EPC2: variants seen among roughly 807,000 people sequenced by gnomAD.
EPC2 encodes enhancer of polycomb 2.
In EPC2, 14 loss-of-function variants were observed where a neutral mutation model predicts 92.1. The ratio of observed to expected loss-of-function variants is 0.15; its 90% confidence interval spans 0.10 to 0.24. The LOEUF (loss-of-function observed/expected upper bound fraction) is 0.24. Among genes scored for constraint, EPC2 ranks in the 10% least tolerant of loss-of-function variants. EPC2 has a pLI of 1.00. For missense variants in EPC2, 755 were observed against 971.5 expected, an observed-to-expected ratio of 0.78 and a Z score of 2.96; for synonymous variants, 340 against 334.7, an observed-to-expected ratio of 1.02 and a Z score of -0.17.
chr2:148,739,833 CTTTTTTTTTTTTTT>C (rs144868417), intron 2 of EPC2, among the ~76,000 whole-genome samples: 3 of 81,296 alleles, frequency 3.7e-5, no homozygotes, highest in Non-Finnish European at 6.5e-5. Context: ...TCTTCTTCTT[CTTTTTTTTTTTTTT>C]TTTTTTTTTT....
At chr2:148,698,051 A>T (rs1302413291) in intron 2 of EPC2, among the ~76,000 whole-genome samples, 4 of 152,200 alleles carry the variant, frequency 2.6e-5, no homozygotes, top group Non-Finnish European at 5.9e-5. Flanking sequence ...AACAAAAAAA[A>T]AAAGGTTACT....
intron 3 of EPC2, among the ~76,000 whole-genome samples, chr2:148,751,744 A>G (rs1055765779): frequency 6.6e-6 from 1 of 152,162 alleles, no homozygotes; most frequent in African/African-American, 2.4e-5. Context: ...TTTATCTACA[A>G]GTAGTTCTTC....
At chr2:148,674,304 A>T (rs1368879473) in intron 1 of EPC2, among the ~76,000 whole-genome samples, 1 of 152,150 alleles carries the variant, frequency 6.6e-6, no homozygotes, top group Non-Finnish European at 1.5e-5. Context: ...CAAGCCACTG[A>T]GTTCTTTTGT....
At chr2:148,676,600 G>A (rs985602152) in intron 1 of EPC2, among the ~76,000 whole-genome samples, 14 of 151,378 alleles carry the variant, frequency 9.2e-5, no homozygotes, top group Non-Finnish European at 1.6e-4. Context: ...ACATATATAT[G>A]TATTTATATT....
intron 2 of EPC2, among the ~76,000 whole-genome samples, chr2:148,731,268 A>G (rs536384155): frequency 6.6e-6 from 1 of 152,344 alleles, no homozygotes; most frequent in Non-Finnish European, 1.5e-5. Context: ...TTTTAAGGGA[A>G]TGACACTTTT....
intron 2 of EPC2, among the ~76,000 whole-genome samples, chr2:148,723,835 A>T (rs1306763947): frequency 6.6e-6 from 1 of 152,032 alleles, no homozygotes; most frequent in Admixed American, 6.6e-5. Flanking sequence ...AATTGGATTT[A>T]TAACTTTTTA....
rs569524965 is a variant in EPC2, at chr2:148,703,826, C to A, written c.313+13453C>A. On this transcript the variant is annotated intron_variant, in intron 2 of 13. Transcript: ENST00000258484. ...GATTACAGGTATGAGCCACTGAATC[C>A]ATTAAAAAATCAGTTTTAAAAACAT... Among the ~76,000 whole-genome samples, 163 of 152,300 alleles carry A rather than the reference C, an allele frequency of 1.1e-3. 1 individual carries two copies. The highest frequency in any genetic ancestry group is 3.8e-3 in the African/African-American group (156 of 41,556).
chr2:148,765,176 T>G (rs774764029), intron 7 of EPC2, 30 bp downstream of exon 7: 6 of 1,445,358 alleles, frequency 4.2e-6, no homozygotes, highest in Admixed American at 4.5e-5. Context: ...TTAAAGATAT[T>G]TCTTCTTAGT....
At chr2:148,676,853 CATT>C (rs1681274315) in intron 1 of EPC2, among the ~76,000 whole-genome samples, 1 of 105,478 alleles carries the variant, frequency 9.5e-6, no homozygotes, top group African/African-American at 3.4e-5. Context: ...TTTATATAGC[CATT>C]ATTACCCACT....
At chr2:148,768,823 A>G (rs1159821399) in intron 7 of EPC2, among the ~76,000 whole-genome samples, 1 of 152,234 alleles carries the variant, frequency 6.6e-6, no homozygotes, top group African/African-American at 2.4e-5. Flanking sequence ...CTGTCATTAA[A>G]TATTTATAGC....
chr2:148,678,235 C>T (rs997332238), intron 1 of EPC2, among the ~76,000 whole-genome samples: 23 of 152,130 alleles, frequency 1.5e-4, no homozygotes, highest in Non-Finnish European at 2.6e-4. Flanking sequence ...TGTTTACAAA[C>T]CTTGAGCTAG....
At chr2:148,769,900 T>A (rs2105430072) in intron 8 of EPC2, among the ~76,000 whole-genome samples, 1 of 152,192 alleles carries the variant, frequency 6.6e-6, no homozygotes, top group Middle Eastern at 3.4e-3. Flanking sequence ...AGTGTGTAAA[T>A]TTAGGAGAGG....
At chr2:148,749,904 A>C (rs1276430073) in intron 3 of EPC2, among the ~76,000 whole-genome samples, 1 of 152,106 alleles carries the variant, frequency 6.6e-6, no homozygotes, top group Non-Finnish European at 1.5e-5. Context: ...ATCTCATTTA[A>C]AGTGTTGTCC....
chr2:148,753,017 A>G (rs533104916), intron 3 of EPC2, among the ~76,000 whole-genome samples: 1 of 152,204 alleles, frequency 6.6e-6, no homozygotes, highest in Admixed American at 6.5e-5. Flanking sequence ...CTTCAGGGAG[A>G]CTTCCCAGCC....
At chr2:148,714,248 CT>C (rs1036056141) in intron 2 of EPC2, among the ~76,000 whole-genome samples, 2 of 150,928 alleles carry the variant, frequency 1.3e-5, no homozygotes, top group African/African-American at 2.4e-5. Flanking sequence ...GATCTCGTTC[CT>C]TTTTTTTTGG....
At chr2:148,775,590 TATCTTTAA>T (rs1238586100) in intron 10 of EPC2, among the ~76,000 whole-genome samples, 2 of 141,902 alleles carry the variant, frequency 1.4e-5, no homozygotes, top group Admixed American at 1.4e-4. Context: ...CAGCTTTAAA[TATCTTTAA>T]ATATTTAAAT....
At chr2:148,664,664 C>T (rs773423308) in intron 1 of EPC2, among the ~76,000 whole-genome samples, 37 of 152,168 alleles carry the variant, frequency 2.4e-4, no homozygotes, top group Non-Finnish European at 5.0e-4. Context: ...TTCAGGCAAA[C>T]GCTCATCTGC....
At chr2:148,717,212 TTGAG>T (rs1426196432) in intron 2 of EPC2, among the ~76,000 whole-genome samples, 5 of 144,282 alleles carry the variant, frequency 3.5e-5, no homozygotes, top group Non-Finnish European at 6.1e-5. Context: ...TTTTTTTTTT[TTGAG>T]GAGTTTTTCT....
At chr2:148,746,149 C>T (rs1475873898) in intron 3 of EPC2, among the ~76,000 whole-genome samples, 1 of 151,900 alleles carries the variant, frequency 6.6e-6, no homozygotes, top group Admixed American at 6.6e-5. Flanking sequence ...GTTTTCTTAT[C>T]CTACATATTT....
Sources: allele counts gnomAD v4.1 joint callset (sites outside exome capture counted in the v4.1 genomes callset), GRCh38; gene constraint gnomAD v4.1.1; transcripts MANE v1.5; gene names NCBI Gene and HGNC (gene_info 2026-07-23, HGNC 2026-07-21).